The following ARHGAP39 variants were observed in gnomAD, a reference collection of about 807,000 sequenced individuals.
The protein encoded by ARHGAP39 is rho GTPase-activating protein 39.
ARHGAP39 carries 44 observed loss-of-function variants against 106.9 expected under a neutral mutation model. The ratio of observed to expected loss-of-function variants is 0.41; its 90% CI spans 0.32 to 0.53. The LOEUF is 0.53. ARHGAP39 is among the 20% of genes least tolerant of loss of function. The pLI, the probability that ARHGAP39 is intolerant of heterozygous loss-of-function variation, is 0.21. For missense variants in ARHGAP39, 1,496 were observed against 1,577.3 expected (o/e 0.95, Z 0.87); for synonymous variants, 768 against 693.2 (o/e 1.11, Z -1.69).
intron 1 of ARHGAP39, among the ~76,000 whole-genome samples, chr8:144,618,783 G>A (rs1424953165): frequency 2.6e-5 from 4 of 152,384 alleles, no homozygotes; most frequent in South Asian, 4.1e-4. Flanking sequence ...AGCAAGTCCT[G>A]CTGGGGCCTC....
the ARHGAP39 span, among the ~76,000 whole-genome samples, chr8:144,693,804 A>G: frequency 6.6e-6 from 1 of 152,228 alleles, no homozygotes; most frequent in Non-Finnish European, 1.5e-5. Flanking sequence ...TGGAAAAGGA[A>G]TGTCCCTGCC....
chr8:144,531,140 C>T (rs1388034998), intron 10 of ARHGAP39, among the ~76,000 whole-genome samples: 1 of 152,214 alleles, frequency 6.6e-6, no homozygotes, highest in Non-Finnish European at 1.5e-5. Flanking sequence ...TCTGTGTAGC[C>T]ACCGTGAGGG....
rs143676444 is a variant in ARHGAP39, at chr8:144,563,123, T to C, written c.513-7480A>G. ...ACTACAACTGATCATGCTAAGAATATATGTGGATCAGAAAAGGCTTACTTA... is the reference window on the plus strand; with the variant it reads ...ACTACAACTGATCATGCTAAGAATACATGTGGATCAGAAAAGGCTTACTTA... On this transcript the variant is annotated intron_variant, in intron 3 of 11. Coordinates refer to ENST00000377307, the MANE Select transcript of ARHGAP39 (RefSeq NM_025251.3). 7.6e-3 allele frequency among the ~76,000 whole-genome samples: 1,153 copies of C among 152,340 alleles called. 10 individuals carry two copies. The highest frequency in any genetic ancestry group is 0.013 in the Non-Finnish European group (907 of 68,030).
chr8:144,580,814 G>C (rs1394672687), intron 3 of ARHGAP39, 32 bp downstream of exon 3: 1 of 1,113,206 alleles, frequency 9.0e-7, no homozygotes, highest in African/African-American at 2.1e-5. Context: ...CATTCACCTG[G>C]CCCCGCCCAT....
chr8:144,542,594 C>G (rs1817239093), intron 6 of ARHGAP39, among the ~76,000 whole-genome samples: 2 of 152,246 alleles, frequency 1.3e-5, no homozygotes, highest in South Asian at 4.1e-4. Flanking sequence ...TCTTCTCTTC[C>G]TTCCTGCTTT....
chr8:144,533,647 C>T (rs1050199942), intron 8 of ARHGAP39, among the ~76,000 whole-genome samples: 5 of 152,244 alleles, frequency 3.3e-5, no homozygotes, highest in Non-Finnish European at 4.4e-5. Context: ...CACCAGCTCA[C>T]AGGGGCCCTT....
intron 1 of ARHGAP39, among the ~76,000 whole-genome samples, chr8:144,675,301 C>T (rs949353894): frequency 9.2e-5 from 14 of 152,162 alleles, no homozygotes; most frequent in Admixed American, 8.5e-4. Flanking sequence ...GGCATGATCT[C>T]GGCTAACTGC....
intron 3 of ARHGAP39, among the ~76,000 whole-genome samples, chr8:144,579,660 C>T (rs558789658): frequency 2.6e-5 from 4 of 152,274 alleles, no homozygotes; most frequent in Admixed American, 1.3e-4. Context: ...TGCACCTCGG[C>T]ACGGTGGGAC....
At chr8:144,539,497 C>A (rs530221171) in intron 6 of ARHGAP39, among the ~76,000 whole-genome samples, 264 of 152,344 alleles carry the variant, frequency 1.7e-3, no homozygotes, top group African/African-American at 6.0e-3. Flanking sequence ...GGAGAGCAAG[C>A]ATTTTCTCCT....
intron 3 of ARHGAP39, among the ~76,000 whole-genome samples, chr8:144,578,558 A>G (rs1362641190): frequency 6.6e-6 from 1 of 152,116 alleles, no homozygotes; most frequent in African/African-American, 2.4e-5. Flanking sequence ...TTGGCCATGC[A>G]CACTTTGGCT....
chr8:144,599,616 A>G (rs1018491006), intron 2 of ARHGAP39, among the ~76,000 whole-genome samples: 5 of 152,196 alleles, frequency 3.3e-5, no homozygotes, highest in African/African-American at 9.6e-5. Context: ...CGAATGGTCT[A>G]TATGTTTAAA....
At chr8:144,689,949 G>A (rs771250040), upstream of ARHGAP39, among the ~76,000 whole-genome samples, 2 of 150,682 alleles carry the variant, frequency 1.3e-5, no homozygotes, top group Non-Finnish European at 2.9e-5. Context: ...GTGTCACCAC[G>A]TTGGCCAGTC....
chr8:144,575,740 T>C (rs1053235652), intron 3 of ARHGAP39, among the ~76,000 whole-genome samples: 2 of 152,122 alleles, frequency 1.3e-5, no homozygotes, highest in African/African-American at 4.8e-5. Flanking sequence ...ACCAGCGACA[T>C]AGTCACGTAT....
At chr8:144,600,469 C>T (rs1291883261) in intron 2 of ARHGAP39, among the ~76,000 whole-genome samples, 24 of 114,130 alleles carry the variant, frequency 2.1e-4, no homozygotes, top group African/African-American at 4.9e-4. Flanking sequence ...TACCTACCTG[C>T]GTGTGCATCG....
At chr8:144,596,183 C>T (rs1414039875) in intron 2 of ARHGAP39, among the ~76,000 whole-genome samples, 1 of 151,414 alleles carries the variant, frequency 6.6e-6, no homozygotes, top group Admixed American at 6.6e-5. Flanking sequence ...CGGCGCTGTC[C>T]ACCACCCCTC....
intron 1 of ARHGAP39, among the ~76,000 whole-genome samples, chr8:144,662,718 A>C (rs1244536193): frequency 2.8e-4 from 23 of 80,878 alleles, no homozygotes; most frequent in African/African-American, 4.0e-4. Context: ...TTGGGCCATT[A>C]CCCGCCTCCC....
chr8:144,587,723 C>T (rs11248208), intron 2 of ARHGAP39, among the ~76,000 whole-genome samples: 34,948 of 150,506 alleles, frequency 0.23, 5,028 homozygotes, highest in Admixed American at 0.33. Flanking sequence ...GGCGCGATCT[C>T]GGCTCGCTGC....
At chr8:144,667,386 C>T (rs1821990740) in intron 1 of ARHGAP39, among the ~76,000 whole-genome samples, 1 of 152,180 alleles carries the variant, frequency 6.6e-6, no homozygotes, top group South Asian at 2.1e-4. Flanking sequence ...CCACCTGACC[C>T]CACCCCCTTC....
intron 2 of ARHGAP39, among the ~76,000 whole-genome samples, chr8:144,601,184 G>C (rs913971363): frequency 1.4e-5 from 2 of 145,784 alleles, no homozygotes; most frequent in African/African-American, 5.1e-5. Flanking sequence ...GTGCGTGCAA[G>C]CTCGTGTACC....
Sources: allele counts gnomAD v4.1 joint callset (sites outside exome capture counted in the v4.1 genomes callset), GRCh38; gene constraint gnomAD v4.1.1; transcripts MANE v1.5; gene names NCBI Gene and HGNC (gene_info 2026-07-23, HGNC 2026-07-21).